BMP2K: variants seen among roughly 807,000 people sequenced by gnomAD.
The protein encoded by BMP2K is BMP-2-inducible protein kinase.
Under a neutral mutation model 116.0 loss-of-function variants are expected in BMP2K, and 74 were observed. That is an observed-to-expected ratio of 0.64 (90% CI 0.53 to 0.77). The LOEUF (loss-of-function observed/expected upper bound fraction) is 0.77. Among genes scored for constraint, BMP2K ranks in the 30% least tolerant of loss-of-function variants. BMP2K has a pLI of 0.00. For synonymous variants in BMP2K, 486 were observed against 502.5 expected (o/e 0.97, Z 0.44); for missense variants, 1,365 against 1,403.6 (o/e 0.97, Z 0.44).
intron 14 of BMP2K, among the ~76,000 whole-genome samples, chr4:78,883,808 A>C (rs185068848): frequency 6.6e-6 from 1 of 152,280 alleles, no homozygotes; most frequent in East Asian, 1.9e-4. Flanking sequence ...CATGCCTGTA[A>C]TCCTGCTACT....
At chr4:78,870,104 A>G (rs936588606) in intron 10 of BMP2K, among the ~76,000 whole-genome samples, 2 of 152,216 alleles carry the variant, frequency 1.3e-5, no homozygotes, top group Non-Finnish European at 2.9e-5. Flanking sequence ...GTTAATTTTT[A>G]AAGTTTATTC....
At position 78,799,065 on chromosome 4, in the gene BMP2K, C is replaced by T. The variant is rs978399438; in HGVS notation, c.178+22344C>T. On this transcript the variant is annotated intron_variant, in intron 1 of 15. Coordinates refer to ENST00000502613, the MANE Select transcript of BMP2K (RefSeq NM_198892.2). Reference sequence around the variant, plus strand: ...TCCACAGACAAATTAATATGCTCAACATTTCTGAAAAGACAGGGCAACAGT... The same window carrying T: ...TCCACAGACAAATTAATATGCTCAATATTTCTGAAAAGACAGGGCAACAGT... Among the ~76,000 whole-genome samples, 5 of 152,216 alleles carry T rather than the reference C, an allele frequency of 3.3e-5. No individual in the cohort carries two copies. In the East Asian group the frequency reaches 9.6e-4, roughly 29 times the overall value.
chr4:78,880,331 C>G (rs1732836126), intron 14 of BMP2K, among the ~76,000 whole-genome samples: 1 of 152,182 alleles, frequency 6.6e-6, no homozygotes, highest in South Asian at 2.1e-4. Flanking sequence ...CTCGGCCTCC[C>G]AAAGTACTGG....
chr4:78,906,820 G>T (rs930497164), intron 15 of BMP2K, among the ~76,000 whole-genome samples: 1 of 152,098 alleles, frequency 6.6e-6, no homozygotes, highest in Non-Finnish European at 1.5e-5. Flanking sequence ...ATGTGTTCAG[G>T]CACCGTTCTA....
intron 3 of BMP2K, among the ~76,000 whole-genome samples, chr4:78,836,926 C>T (rs749248195): frequency 7.9e-5 from 12 of 152,122 alleles, no homozygotes; most frequent in African/African-American, 1.7e-4. Context: ...TTATCTACAA[C>T]GTATTGAAAT....
chr4:78,815,279 A>C (rs1313568465), intron 1 of BMP2K, among the ~76,000 whole-genome samples: 1 of 152,156 alleles, frequency 6.6e-6, no homozygotes, highest in Non-Finnish European at 1.5e-5. Flanking sequence ...TTCTATTTTT[A>C]AAAAGTAGAG....
At chr4:78,868,579 G>A (rs1395564606) in intron 10 of BMP2K, among the ~76,000 whole-genome samples, 1 of 152,162 alleles carries the variant, frequency 6.6e-6, no homozygotes, top group Non-Finnish European at 1.5e-5. Flanking sequence ...TCTCCTCTGA[G>A]ACAGGGCAAG....
At chr4:78,829,770 C>CTT (rs1299503638) in intron 2 of BMP2K, among the ~76,000 whole-genome samples, 2 of 108,590 alleles carry the variant, frequency 1.8e-5, no homozygotes, top group East Asian at 2.7e-4. Flanking sequence ...CTTTTCTTTT[C>CTT]TTTTCTTTTC....
chr4:78,804,677 G>T (rs1728734170), intron 1 of BMP2K, among the ~76,000 whole-genome samples: 3 of 150,274 alleles, frequency 2.0e-5, no homozygotes, highest in Admixed American at 1.3e-4. Context: ...GGTTCCTAAT[G>T]ACTGATGTTG....
chr4:78,811,769 C>G (rs192145765), intron 1 of BMP2K, among the ~76,000 whole-genome samples: 138 of 152,198 alleles, frequency 9.1e-4, no homozygotes, highest in African/African-American at 3.2e-3. Flanking sequence ...AGACATTTCT[C>G]TCGGCCAATT....
At chr4:78,832,432 A>G (rs1730253608) in intron 2 of BMP2K, among the ~76,000 whole-genome samples, 3 of 152,280 alleles carry the variant, frequency 2.0e-5, no homozygotes, top group Middle Eastern at 6.8e-3. Context: ...TTAGCAAATA[A>G]CTGCATTTGC....
At chr4:78,842,628 G>T in intron 4 of BMP2K, 101 bp downstream of exon 4, 1 of 1,087,386 alleles carries the variant, frequency 9.2e-7, no homozygotes, top group Non-Finnish European at 1.2e-6. Flanking sequence ...CTTTGAGGTT[G>T]GTCTCTCTCT....
intron 1 of BMP2K, among the ~76,000 whole-genome samples, chr4:78,806,649 A>T (rs924128435): frequency 6.6e-5 from 10 of 151,960 alleles, no homozygotes; most frequent in African/African-American, 1.5e-4. Flanking sequence ...ACCAAAATTT[A>T]AAAAAAAGTG....
rs577748851 is a variant in BMP2K at position 78,833,800 on chromosome 4, A to G, written c.403+113A>G. 79 of 693,644 alleles carry G rather than the reference A, an allele frequency of 1.1e-4. 1 individual carries two copies. In the African/African-American group the frequency reaches 1.4e-3, roughly 12 times the overall value. 43.0% of individuals were successfully genotyped at this position (693,644 alleles called of 1,614,324 possible). A position where few individuals can be genotyped will look rare whatever the true frequency, so the allele number is the denominator to read the frequency against. Reference sequence around the variant, plus strand: ...TAACTAATTCTAGTCACTTATTGTAATCTTACCTTTCATTATCTAATTAGG... The same window carrying G: ...TAACTAATTCTAGTCACTTATTGTAGTCTTACCTTTCATTATCTAATTAGG... On this transcript the variant is annotated intron_variant, in intron 3 of 15. Transcript: ENST00000502613.
chr4:78,861,489 A>G, intron 9 of BMP2K, 21 bp downstream of exon 9: 2 of 1,574,528 alleles, frequency 1.3e-6, no homozygotes, highest in Non-Finnish European at 1.7e-6. Context: ...CTATGCTGAA[A>G]TTGAAAAGGC....
chr4:78,845,724 G>T (rs2110026397), intron 5 of BMP2K, among the ~76,000 whole-genome samples: 1 of 151,688 alleles, frequency 6.6e-6, no homozygotes, highest in South Asian at 2.1e-4. Context: ...CTCAGAATAG[G>T]ACTTTCTAAA....
At chr4:78,894,583 C>T (rs979696301) in intron 15 of BMP2K, among the ~76,000 whole-genome samples, 8 of 152,200 alleles carry the variant, frequency 5.3e-5, no homozygotes, top group African/African-American at 7.2e-5. Flanking sequence ...CTTACGGGAA[C>T]GCAGTGGTTG....
intron 12 of BMP2K, 96 bp from the exon 13 acceptor site, chr4:78,872,518 A>G: frequency 9.1e-7 from 1 of 1,104,622 alleles, no homozygotes; most frequent in Non-Finnish European, 1.2e-6. Context: ...TGATTTTGTC[A>G]CCAATGTGAA....
At chr4:78,791,433 CT>C (rs976269478) in intron 1 of BMP2K, among the ~76,000 whole-genome samples, 3 of 151,432 alleles carry the variant, frequency 2.0e-5, no homozygotes, top group South Asian at 2.1e-4. Context: ...CATTTCTTTT[CT>C]TTTTTTTTCT....
Sources: gnomAD v4.1 joint callset for allele counts (sites outside exome capture counted in the v4.1 genomes callset) on GRCh38, gnomAD v4.1.1 for gene constraint, MANE v1.5 for transcripts, NCBI Gene and HGNC (gene_info 2026-07-23, HGNC 2026-07-21) for gene names.